Variants in ALDH7A1 observed in about 807,000 individuals in gnomAD.
The protein encoded by ALDH7A1 is aldehyde dehydrogenase 7 family member A1, also known as alpha-aminoadipic semialdehyde dehydrogenase.
Under a neutral mutation model 79.9 loss-of-function variants are expected in ALDH7A1, and 63 were observed. That is an observed-to-expected ratio of 0.79 (90% CI 0.64 to 0.97). The LOEUF (loss-of-function observed/expected upper bound fraction) is 0.97. ALDH7A1 is among the 50% of genes least tolerant of loss of function. The pLI is 0.00. For missense variants in ALDH7A1, 627 were observed against 665.2 expected, an observed-to-expected ratio of 0.94 and a Z score of 0.63; for synonymous variants, 240 against 231.2, an observed-to-expected ratio of 1.04 and a Z score of -0.34.
chr5:126,575,515 A>G, intron 6 of ALDH7A1, 51 bp from the exon 7 acceptor site: 1 of 1,493,962 alleles, frequency 6.7e-7, no homozygotes, highest in Non-Finnish European at 9.2e-7. Flanking sequence ...TTTGACGGAA[A>G]CCATAAATAC....
At chr5:126,575,801 T>C (rs1413276821) in intron 6 of ALDH7A1, among the ~76,000 whole-genome samples, 1 of 152,218 alleles carries the variant, frequency 6.6e-6, no homozygotes, top group African/African-American at 2.4e-5. Flanking sequence ...GTAAACTTCC[T>C]TGGAAAACTC....
At chr5:126,563,361 T>C (rs1033786042) in intron 9 of ALDH7A1, among the ~76,000 whole-genome samples, 3 of 152,244 alleles carry the variant, frequency 2.0e-5, no homozygotes, top group Admixed American at 2.0e-4. Flanking sequence ...CATTCCATCA[T>C]GATGACATAC....
rs185333013 is a variant in ALDH7A1, at chr5:126,568,374, C to T, written c.774-18G>A. 733 of 1,608,286 alleles carry T rather than the reference C, an allele frequency of 4.6e-4. 1 individual carries two copies. Among genetic ancestry groups the T allele is most frequent in the Admixed American group, 7.2e-4 (43 of 60,010 alleles). On this transcript the variant is annotated intron_variant, in intron 8 of 17. Coordinates refer to ENST00000409134, the MANE Select transcript of ALDH7A1 (RefSeq NM_001182.5). Reference sequence around the variant, plus strand: ...TTGCTGTGCTGCAAGGGAACAGACACGGTCGGCCACCCAAGCAGAGAAACC... The same window carrying T: ...TTGCTGTGCTGCAAGGGAACAGACATGGTCGGCCACCCAAGCAGAGAAACC...
chr5:126,585,100 C>G (rs947524509), intron 3 of ALDH7A1, among the ~76,000 whole-genome samples: 1 of 152,100 alleles, frequency 6.6e-6, no homozygotes, highest in Non-Finnish European at 1.5e-5. Context: ...GAGTTCAAGA[C>G]GAGCCTGGCC....
chr5:126,593,661 A>G (rs1751636942), intron 1 of ALDH7A1: 1 of 592,018 alleles, frequency 1.7e-6, no homozygotes, highest in Non-Finnish European at 3.0e-6. Flanking sequence ...AAAAGCCTTA[A>G]CATAAGCAGT....
chr5:126,575,912 G>A (rs1750948328), intron 6 of ALDH7A1, among the ~76,000 whole-genome samples: 1 of 152,140 alleles, frequency 6.6e-6, no homozygotes, highest in African/African-American at 2.4e-5. Context: ...AAGAGCTCGG[G>A]GCTAGTTCCC....
rs4612066 is a variant in ALDH7A1 at position 126,545,259 on chromosome 5, G to T, written c.1566-240C>A. Among the ~76,000 whole-genome samples the T allele has an allele frequency of 0.98, 149,477 of 152,148 alleles. 73,493 individuals carry two copies. The highest frequency in any genetic ancestry group is 1 in the Middle Eastern group (294 of 294). ...ATACCATACATGGTTTTTTTTGTTG[G>T]TGGTGGTTTTTGTTTGTTTGTTTGT... On this transcript the variant is annotated intron_variant, in intron 17 of 17. Transcript: ENST00000409134.
At chr5:126,568,158 G>T in intron 9 of ALDH7A1, 101 bp downstream of exon 9, 1 of 1,065,084 alleles carries the variant, frequency 9.4e-7, no homozygotes, top group Non-Finnish European at 1.5e-6. Context: ...CATGACCACT[G>T]CCTCCATGGA....
intron 13 of ALDH7A1, chr5:126,553,389 G>C (rs1175162792): frequency 6.6e-6 from 1 of 152,140 alleles, no homozygotes; most frequent in Non-Finnish European, 1.5e-5. Context: ...TATATGTGCT[G>C]CCAAAGCAAG....
chr5:126,563,241 T>C (rs1281597097), intron 9 of ALDH7A1, among the ~76,000 whole-genome samples: 2 of 152,232 alleles, frequency 1.3e-5, no homozygotes, highest in African/African-American at 2.4e-5. Context: ...CTTTCCTCTG[T>C]GCATTTATAT....
chr5:126,589,854 GAAGT>G (rs1053710948), intron 3 of ALDH7A1, among the ~76,000 whole-genome samples: 4 of 143,242 alleles, frequency 2.8e-5, no homozygotes, highest in African/African-American at 7.8e-5. Context: ...CCCCATCTGG[GAAGT>G]AAGAAGCGCC....
intron 3 of ALDH7A1, among the ~76,000 whole-genome samples, chr5:126,590,485 AAAG>A (rs769730554): frequency 3.9e-5 from 6 of 152,126 alleles, no homozygotes; most frequent in Non-Finnish European, 7.4e-5. Context: ...CTTGAACCCG[AAAG>A]GCAGAGGTTG....
At chr5:126,570,590 A>G in intron 8 of ALDH7A1, 192 bp downstream of exon 8, 1 of 634,492 alleles carries the variant, frequency 1.6e-6, no homozygotes. Flanking sequence ...TTAAAAAGAC[A>G]ATTCTTATTC....
chr5:126,551,859 T>G (rs1329148770), intron 14 of ALDH7A1, among the ~76,000 whole-genome samples, 162 bp downstream of exon 14: 8 of 152,220 alleles, frequency 5.3e-5, no homozygotes, highest in African/African-American at 1.9e-4. Context: ...TATAGAGTTT[T>G]AAAGTGTTTA....
chr5:126,579,291 A>G (rs1170144404), intron 5 of ALDH7A1, among the ~76,000 whole-genome samples: 1 of 150,896 alleles, frequency 6.6e-6, no homozygotes. Flanking sequence ...CCAGCACTCC[A>G]CTCCTTCTCC....
chr5:126,568,063 A>G (rs66822510), intron 9 of ALDH7A1, 196 bp downstream of exon 9: 1 of 544,622 alleles, frequency 1.8e-6, no homozygotes, highest in Non-Finnish European at 3.3e-6. Context: ...GATTTTCATA[A>G]ATTTTGGTAT....
intron 16 of ALDH7A1, 44 bp from the exon 17 acceptor site, chr5:126,546,443 A>T: frequency 2.6e-6 from 4 of 1,561,962 alleles, no homozygotes; most frequent in Non-Finnish European, 3.5e-6. Context: ...AGCAGTTTCC[A>T]TGTGGGCTCA....
chr5:126,545,127 C>T, intron 17 of ALDH7A1, 108 bp from the exon 18 acceptor site: 1 of 822,256 alleles, frequency 1.2e-6, no homozygotes, highest in Non-Finnish European at 2.0e-6. Context: ...GGCAAGATCT[C>T]CAAGTTACAA....
In ALDH7A1 at chr5:126,582,843, T is replaced by C. The variant is rs925234919; in HGVS notation, c.517+8A>G. ...ACAAAACTCAGCTTAACTAATTTCA[T>C]TGCTTACTTTCAGAAGGCAAGATAG... On this transcript the variant is annotated splice_region_variant and intron_variant, in intron 5 of 17. Coordinates refer to ENST00000409134, the MANE Select transcript of ALDH7A1 (RefSeq NM_001182.5). The C allele has an allele frequency of 1.2e-6, 2 of 1,612,014 alleles. No individual in the cohort carries two copies. The highest frequency in any genetic ancestry group is 1.3e-5 in the African/African-American group (1 of 74,862).
Sources: allele counts gnomAD v4.1 joint callset (sites outside exome capture counted in the v4.1 genomes callset), GRCh38; gene constraint gnomAD v4.1.1; transcripts MANE v1.5; gene names NCBI Gene and HGNC (gene_info 2026-07-23, HGNC 2026-07-21).